Variants in PTPRQ observed in about 807,000 individuals in gnomAD.
PTPRQ encodes the protein protein tyrosine phosphatase receptor type Q.
A neutral mutation model predicts 246.0 loss-of-function variants in PTPRQ; 199 were observed. That is an observed-to-expected ratio of 0.81 (90% CI 0.72 to 0.91). The LOEUF (loss-of-function observed/expected upper bound fraction) is 0.91. PTPRQ is among the 40% of genes least tolerant of loss of function. The pLI is 0.00. For missense variants in PTPRQ, 2,624 were observed against 2,528.4 expected, an observed-to-expected ratio of 1.04 and a Z score of -0.81; for synonymous variants, 869 against 853.2, an observed-to-expected ratio of 1.02 and a Z score of -0.32.
intron 17 of PTPRQ, among the ~76,000 whole-genome samples, chr12:80,517,727 A>G (rs1052309055): frequency 6.6e-6 from 1 of 151,348 alleles, no homozygotes; most frequent in African/African-American, 2.4e-5. Flanking sequence ...TTTGATATTT[A>G]GCATCCACAA....
chr12:80,629,666 G>A (rs1241168599), intron 33 of PTPRQ, among the ~76,000 whole-genome samples: 5 of 152,144 alleles, frequency 3.3e-5, no homozygotes, highest in Non-Finnish European at 7.4e-5. Context: ...TTCTCAGTGG[G>A]AGATGAGGAG....
At chr12:80,588,923 G>A (rs559789380) in intron 26 of PTPRQ, among the ~76,000 whole-genome samples, 11 of 152,142 alleles carry the variant, frequency 7.2e-5, no homozygotes, top group Non-Finnish European at 1.6e-4. Context: ...TTCAGCTTGT[G>A]TTTTTCAACT....
At chr12:80,488,859 A>G (rs981582280) in intron 9 of PTPRQ, among the ~76,000 whole-genome samples, 13 of 152,048 alleles carry the variant, frequency 8.5e-5, no homozygotes, top group Non-Finnish European at 1.8e-4. Flanking sequence ...TACTGTTAAT[A>G]TTTAAACAAA....
intron 16 of PTPRQ, among the ~76,000 whole-genome samples, chr12:80,508,496 A>T (rs958914280): frequency 2.6e-5 from 4 of 151,930 alleles, no homozygotes; most frequent in African/African-American, 9.7e-5. Flanking sequence ...GAGGGTGAGA[A>T]ATAGGAAAGA....
At position 80,468,830 on chromosome 12, in the gene PTPRQ, G is replaced by C; in HGVS notation, c.1031G>C (p.Gly344Ala). 6.5e-7 allele frequency: 1 copy of C among 1,547,838 alleles called. No homozygotes were observed. The highest frequency in any genetic ancestry group is 8.7e-7 in the Non-Finnish European group (1 of 1,145,510). ...GKFSYRVELY[G>A]PSGRILDNST... ...TTTAGTTATAGAGTTGAATTATATG[G>C]ACCATCAGGTAAGCCTTAATTGGTT... is the stretch of plus-strand genomic sequence containing the variant. Residue 344 changes from glycine (G) to alanine (A), a missense_variant, in exon 7 of 45, where the codon GGA becomes GCA. Physicochemically the swap from Gly to Ala is moderately conservative, Grantham distance 60. Transcript: ENST00000644991.
chr12:80,455,443 T>A (rs1461083387), intron 3 of PTPRQ, among the ~76,000 whole-genome samples: 5 of 152,208 alleles, frequency 3.3e-5, no homozygotes, highest in Admixed American at 1.3e-4. Flanking sequence ...TTTTTACATG[T>A]CTGTTGACAT....
intron 42 of PTPRQ, among the ~76,000 whole-genome samples, chr12:80,672,456 T>C (rs887919464): frequency 3.3e-5 from 5 of 151,894 alleles, no homozygotes; most frequent in African/African-American, 4.8e-5. Flanking sequence ...AAAGTAATAT[T>C]TATAAGACTA....
intron 26 of PTPRQ, among the ~76,000 whole-genome samples, chr12:80,603,373 G>A (rs888309095): frequency 6.6e-5 from 10 of 151,490 alleles, no homozygotes; most frequent in East Asian, 3.9e-4. Flanking sequence ...AAACCTCAGC[G>A]GAATCCCACT....
In PTPRQ at chr12:80,659,399, C is replaced by T. The variant is rs150970742; in HGVS notation, c.6192+1338C>T. Among the ~76,000 whole-genome samples, 483 of 152,084 alleles carry T rather than the reference C, an allele frequency of 3.2e-3. 5 individuals are homozygous for T. The highest frequency in any genetic ancestry group is 0.011 in the African/African-American group (474 of 41,512). On this transcript the variant is annotated intron_variant, in intron 39 of 44. Transcript: ENST00000644991. ...ATGCATTTAGATATTTACATTTCAT[C>T]ACTACTCTGATAATCAAATGCCATC...
intron 26 of PTPRQ, among the ~76,000 whole-genome samples, chr12:80,597,956 A>G (rs1389259491): frequency 1.3e-5 from 2 of 151,990 alleles, no homozygotes; most frequent in Non-Finnish European, 2.9e-5. Context: ...TAATAGTAGT[A>G]ATTAGAATAT....
intron 34 of PTPRQ, among the ~76,000 whole-genome samples, chr12:80,632,656 G>A (rs1169293752): frequency 6.6e-6 from 1 of 152,158 alleles, no homozygotes; most frequent in Non-Finnish European, 1.5e-5. Context: ...AGAGAGGACA[G>A]TAAACAACTA....
intron 26 of PTPRQ, among the ~76,000 whole-genome samples, chr12:80,593,064 A>T (rs552010378): frequency 6.6e-6 from 1 of 152,172 alleles, no homozygotes; most frequent in South Asian, 2.1e-4. Flanking sequence ...TAAAATAATA[A>T]CTCTTTCTCT....
At chr12:80,673,622 A>T (rs1041175058) in intron 43 of PTPRQ, among the ~76,000 whole-genome samples, 15 of 152,158 alleles carry the variant, frequency 9.9e-5, no homozygotes, top group Non-Finnish European at 1.9e-4. Context: ...AAATGAACTC[A>T]AATCAATATC....
chr12:80,493,210 A>G, intron 9 of PTPRQ, 65 bp from the exon 10 acceptor site: 2 of 1,352,382 alleles, frequency 1.5e-6, no homozygotes. Flanking sequence ...TTTAGAACTA[A>G]TACTTGATTT....
intron 9 of PTPRQ, among the ~76,000 whole-genome samples, chr12:80,492,351 A>G (rs1755202091): frequency 2.6e-5 from 4 of 151,984 alleles, no homozygotes; most frequent in Admixed American, 2.0e-4. Context: ...CCTAGAACAC[A>G]TTCAGATTTC....
chr12:80,590,050 A>G (rs1897741620), intron 26 of PTPRQ, among the ~76,000 whole-genome samples: 1 of 152,158 alleles, frequency 6.6e-6, no homozygotes, highest in Non-Finnish European at 1.5e-5. Context: ...AGAACTCCAG[A>G]TCAGAATATC....
intron 43 of PTPRQ, among the ~76,000 whole-genome samples, chr12:80,676,652 A>T (rs1350528502): frequency 6.6e-6 from 1 of 152,078 alleles, no homozygotes; most frequent in Non-Finnish European, 1.5e-5. Context: ...AAACAACAAC[A>T]ACAACAAAAC....
chr12:80,504,532 C>T (rs1395826441), intron 14 of PTPRQ, among the ~76,000 whole-genome samples: 1 of 151,560 alleles, frequency 6.6e-6, no homozygotes, highest in South Asian at 2.1e-4. Flanking sequence ...CTTTTCTTTG[C>T]TGACTTTCAC....
intron 35 of PTPRQ, among the ~76,000 whole-genome samples, chr12:80,647,383 T>C (rs1341836548): frequency 6.6e-6 from 1 of 152,156 alleles, no homozygotes; most frequent in African/African-American, 2.4e-5. Flanking sequence ...TTGATCAGAA[T>C]TTACCCAACA....
Sources: gnomAD v4.1 joint callset for allele counts (sites outside exome capture counted in the v4.1 genomes callset) on GRCh38, gnomAD v4.1.1 for gene constraint, MANE v1.5 for transcripts, NCBI Gene and HGNC (gene_info 2026-07-23, HGNC 2026-07-21) for gene names.